NAA15: variants seen among roughly 807,000 people sequenced by gnomAD.
NAA15 encodes N-alpha-acetyltransferase 15, NatA auxiliary subunit.
A neutral mutation model predicts 114.0 loss-of-function variants in NAA15; 34 were observed. The observed-to-expected ratio is 0.30, with a 90% CI of 0.23 to 0.40. NAA15 has a LOEUF of 0.40. NAA15 is among the 10% of genes least tolerant of loss of function. The pLI is 1.00. For missense variants in NAA15, 658 were observed against 1,004.5 expected (o/e 0.66, Z 4.66); for synonymous variants, 340 against 338.0 (o/e 1.01, Z -0.06).
chr4:139,387,836 AG>A (rs773567427), intron 19 of NAA15, 47 bp from the exon 20 acceptor site: 1 of 1,458,958 alleles, frequency 6.9e-7, no homozygotes, highest in Non-Finnish European at 9.5e-7. Flanking sequence ...ATTCCCAGTA[AG>A]AACCTTTTTT....
At chr4:139,378,891 C>A in intron 17 of NAA15, 37 bp downstream of exon 17, 1 of 1,292,580 alleles carries the variant, frequency 7.7e-7, no homozygotes, top group Non-Finnish European at 1.1e-6. Context: ...GTATTTGATA[C>A]AGTGGTTGAT....
chr4:139,336,716 T>C (rs1747212457), intron 2 of NAA15, 132 bp from the exon 3 acceptor site: 3 of 446,222 alleles, frequency 6.7e-6, no homozygotes, highest in Non-Finnish European at 1.1e-5. Flanking sequence ...GAAAGTATCT[T>C]AGTAATCTCC....
At chr4:139,373,853 C>T (rs1748510971) in intron 15 of NAA15, among the ~76,000 whole-genome samples, 1 of 152,102 alleles carries the variant, frequency 6.6e-6, no homozygotes, top group African/African-American at 2.4e-5. Flanking sequence ...CACATACCAC[C>T]ACACCCACTA....
chr4:139,390,031 C>T lies in NAA15; in HGVS notation c.*1947C>T, dbSNP rs916896424. 3.9e-5 allele frequency: 6 copies of T among 152,598 alleles called. No individual in the cohort carries two copies. The highest frequency in any genetic ancestry group is 8.8e-5 in the Non-Finnish European group (6 of 68,024). 9.5% of individuals were successfully genotyped at this position (152,598 alleles called of 1,614,324 possible). On this transcript the variant is annotated 3_prime_UTR_variant, in exon 20 of 20. Transcript: ENST00000296543. ...GGAAAGAACACTAGTCCTACCTCTG[C>T]CACTAATGAGGTGTTTGGAGGAGGT... is the stretch of plus-strand genomic sequence containing the variant.
chr4:139,346,011 G>C (rs1043598433), intron 6 of NAA15, among the ~76,000 whole-genome samples: 1 of 152,158 alleles, frequency 6.6e-6, no homozygotes. Flanking sequence ...AACAAATGGG[G>C]TGCCGGTAGG....
chr4:139,360,643 CATAAAAGTTTTCTTGTT>C lies in NAA15; in HGVS notation c.1539+16_1539+32del. On this transcript the variant is annotated intron_variant, in intron 13 of 19. Coordinates refer to ENST00000296543, the MANE Select transcript of NAA15 (RefSeq NM_057175.5). ...AGATTGAGAGAGTAAGTACCTTCTA[CATAAAAGTTTTCTTGTT>C]TTATTCTGTCGATGGTTTTGGACAA... 6.4e-7 allele frequency: 1 copy of C among 1,562,532 alleles called. No individual in the cohort carries two copies. Among genetic ancestry groups the C allele is most frequent in the Non-Finnish European group, 8.6e-7 (1 of 1,158,142 alleles).
At chr4:139,331,895 T>C (rs1365673930) in intron 1 of NAA15, among the ~76,000 whole-genome samples, 2 of 152,140 alleles carry the variant, frequency 1.3e-5, no homozygotes, top group Non-Finnish European at 2.9e-5. Flanking sequence ...CTGGAGTTAA[T>C]ACCTATTATT....
rs1410884775 is a variant in NAA15, at chr4:139,388,717, T to G, written c.*633T>G. The G allele has an allele frequency of 6.6e-6, 1 of 152,652 alleles. No homozygotes were observed. The highest frequency in any genetic ancestry group is 2.1e-4 in the South Asian group (1 of 4,836). The allele number at this position is 152,652 out of a possible 1,614,324, so 9.5% of individuals were successfully genotyped here. A position where few individuals can be genotyped will look rare whatever the true frequency, so the allele number is the denominator to read the frequency against. On this transcript the variant is annotated 3_prime_UTR_variant, in exon 20 of 20. Coordinates refer to ENST00000296543, the MANE Select transcript of NAA15 (RefSeq NM_057175.5). Reference sequence around the variant, plus strand: ...TTGTGTTTCCAAAATTCACTGTACATGATCAGTTTGGTGTTCTTGTACCAC... The same window carrying G: ...TTGTGTTTCCAAAATTCACTGTACAGGATCAGTTTGGTGTTCTTGTACCAC...
intron 6 of NAA15, among the ~76,000 whole-genome samples, chr4:139,348,335 T>G (rs1156564075): frequency 6.6e-6 from 1 of 151,920 alleles, no homozygotes; most frequent in Non-Finnish European, 1.5e-5. Flanking sequence ...ATGCCTGTAG[T>G]TCCAGCTACT....
chr4:139,360,680 G>T (rs769628811), intron 13 of NAA15, 52 bp downstream of exon 13: 25 of 1,457,814 alleles, frequency 1.7e-5, no homozygotes, highest in Middle Eastern at 2.1e-4. Context: ...CGATGGTTTT[G>T]GACAAATTTC....
At chr4:139,332,570 A>ATTTTT (rs1747051142) in intron 1 of NAA15, among the ~76,000 whole-genome samples, 3 of 59,218 alleles carry the variant, frequency 5.1e-5, no homozygotes, top group Non-Finnish European at 9.7e-5. Context: ...TTTGGTTTGT[A>ATTTTT]TGTTTTTTTT....
At chr4:139,359,017 A>G (rs569815448) in intron 11 of NAA15, among the ~76,000 whole-genome samples, 1 of 151,700 alleles carries the variant, frequency 6.6e-6, no homozygotes, top group East Asian at 2.0e-4. Context: ...AGGCAGGAGA[A>G]TTGCTTGAAC....
At chr4:139,385,935 C>A (rs1579143103) in intron 18 of NAA15, among the ~76,000 whole-genome samples, 198 bp from the exon 19 acceptor site, 2 of 152,126 alleles carry the variant, frequency 1.3e-5, no homozygotes, top group Admixed American at 1.3e-4. Context: ...CTATTGTTCT[C>A]TTTCTTTGGA....
At position 139,301,726 on chromosome 4, in the gene NAA15, A is replaced by G. The variant is rs1335515415; in HGVS notation, c.-52A>G. The G allele has an allele frequency of 3.3e-6, 5 of 1,532,880 alleles. No individual in the cohort carries two copies. In the East Asian group the frequency reaches 7.5e-5, roughly 23 times the overall value. The allele number at this position is 1,532,880 out of a possible 1,614,324, so 95.0% of individuals were successfully genotyped here. On this transcript the variant is annotated 5_prime_UTR_variant, in exon 1 of 20. Coordinates refer to ENST00000296543, the MANE Select transcript of NAA15 (RefSeq NM_057175.5). The stretch of plus-strand genomic sequence containing the variant: ...GAACGGCAGCGGCGGCGGTCGGACA[A>G]ACTGACTGACCGAGCCGGGTGGTGG...
intron 1 of NAA15, among the ~76,000 whole-genome samples, chr4:139,307,420 C>G (rs1034316122): frequency 6.6e-6 from 1 of 152,188 alleles, no homozygotes; most frequent in Non-Finnish European, 1.5e-5. Flanking sequence ...AGGCGTGCCA[C>G]CACGCCTGGC....
At chr4:139,304,432 C>T (rs1005063243) in intron 1 of NAA15, among the ~76,000 whole-genome samples, 4 of 152,208 alleles carry the variant, frequency 2.6e-5, no homozygotes, top group Admixed American at 2.0e-4. Context: ...CTCGCGCACG[C>T]GGGTGCAGTC....
chr4:139,333,071 A>G (rs1263179885), intron 1 of NAA15, among the ~76,000 whole-genome samples: 2 of 152,196 alleles, frequency 1.3e-5, no homozygotes, highest in Non-Finnish European at 2.9e-5. Context: ...ACCTAATACA[A>G]TGTAAATACT....
At chr4:139,306,203 G>T (rs946539424) in intron 1 of NAA15, among the ~76,000 whole-genome samples, 1 of 152,106 alleles carries the variant, frequency 6.6e-6, no homozygotes, top group African/African-American at 2.4e-5. Context: ...AAAAGGATGG[G>T]ATGAATTTAA....
At chr4:139,357,252 G>T (rs553607581) in intron 10 of NAA15, 134 bp from the exon 11 acceptor site, 2 of 720,892 alleles carry the variant, frequency 2.8e-6, no homozygotes, top group African/African-American at 3.6e-5. Flanking sequence ...AACTTAGGAG[G>T]AGTTTTATAG....
Sources: allele counts gnomAD v4.1 joint callset (sites outside exome capture counted in the v4.1 genomes callset), GRCh38; gene constraint gnomAD v4.1.1; transcripts MANE v1.5; gene names NCBI Gene and HGNC (gene_info 2026-07-23, HGNC 2026-07-21).